Variants in PTPRM observed in about 807,000 individuals in gnomAD.
PTPRM encodes the protein protein tyrosine phosphatase receptor type M.
In PTPRM, 47 loss-of-function variants were observed where a neutral mutation model predicts 186.7. The ratio of observed to expected loss-of-function variants is 0.25; its 90% CI spans 0.20 to 0.32. PTPRM has a LOEUF of 0.32. PTPRM is among the 10% of genes least tolerant of loss of function. The probability of loss-of-function intolerance (pLI) is 1.00; values close to 1 mark genes in which losing one functional copy is unlikely to be tolerated. For missense variants in PTPRM, 1,494 were observed against 1,865.0 expected (o/e 0.80, Z 3.66); for synonymous variants, 668 against 674.9 (o/e 0.99, Z 0.16).
intron 3 of PTPRM, among the ~76,000 whole-genome samples, chr18:7,901,088 T>G (rs2049651743): frequency 6.6e-6 from 1 of 152,200 alleles, no homozygotes; most frequent in African/African-American, 2.4e-5. Context: ...ATGCTGGCAT[T>G]TTCAAACATT....
chr18:8,086,220 C>T (rs563053095), intron 10 of PTPRM, among the ~76,000 whole-genome samples: 35 of 152,200 alleles, frequency 2.3e-4, no homozygotes, highest in Non-Finnish European at 8.8e-5. Flanking sequence ...CATGAACCAT[C>T]GGGAGCTCTG....
chr18:7,903,906 A>G (rs1425310017), intron 3 of PTPRM, among the ~76,000 whole-genome samples: 1 of 152,200 alleles, frequency 6.6e-6, no homozygotes, highest in Non-Finnish European at 1.5e-5. Flanking sequence ...TGTTTGAGCA[A>G]TGTGTAGAAG....
chr18:7,881,844 A>G (rs929326840), intron 2 of PTPRM, among the ~76,000 whole-genome samples: 3 of 152,042 alleles, frequency 2.0e-5, no homozygotes, highest in Non-Finnish European at 4.4e-5. Context: ...TCCATTCACC[A>G]TGACCATGTG....
intron 29 of PTPRM, among the ~76,000 whole-genome samples, chr18:8,383,916 CG>C (rs1228264846): frequency 6.6e-6 from 1 of 152,160 alleles, no homozygotes; most frequent in African/African-American, 2.4e-5. Flanking sequence ...TGCCTCTCCC[CG>C]GGGCCTGATG....
intron 13 of PTPRM, among the ~76,000 whole-genome samples, chr18:8,126,163 T>A (rs1157193112): frequency 6.6e-6 from 1 of 150,590 alleles, no homozygotes; most frequent in Non-Finnish European, 1.5e-5. Flanking sequence ...TTTCAAATTG[T>A]TTGCTGAATG....
At chr18:7,715,474 T>C (rs959634016) in intron 1 of PTPRM, among the ~76,000 whole-genome samples, 20 of 152,038 alleles carry the variant, frequency 1.3e-4, no homozygotes, top group Non-Finnish European at 2.4e-4. Context: ...TCTCACCACT[T>C]CTATTCAACA....
At chr18:8,222,031 GTC>G (rs1254179860) in intron 14 of PTPRM, among the ~76,000 whole-genome samples, 1 of 152,188 alleles carries the variant, frequency 6.6e-6, no homozygotes, top group Non-Finnish European at 1.5e-5. Flanking sequence ...CTGCACTGGA[GTC>G]TCTGAGCCTA....
chr18:7,804,147 A>C (rs1343575135), intron 2 of PTPRM, among the ~76,000 whole-genome samples: 1 of 152,188 alleles, frequency 6.6e-6, no homozygotes, highest in Non-Finnish European at 1.5e-5. Flanking sequence ...TCTCCTCTGC[A>C]TTGACTTCAT....
chr18:8,323,107 G>A (rs2095355665), intron 22 of PTPRM, among the ~76,000 whole-genome samples: 1 of 152,166 alleles, frequency 6.6e-6, no homozygotes, highest in African/African-American at 2.4e-5. Flanking sequence ...GGGATTACAG[G>A]CATGAGTCAT....
At chr18:8,021,315 G>GAC (rs1377924670) in intron 7 of PTPRM, among the ~76,000 whole-genome samples, 14 of 99,132 alleles carry the variant, frequency 1.4e-4, no homozygotes, top group South Asian at 3.7e-4. Flanking sequence ...AAGCATAAAA[G>GAC]AGACACACAC....
intron 7 of PTPRM, among the ~76,000 whole-genome samples, chr18:8,031,289 C>T (rs2085950848): frequency 6.6e-6 from 1 of 152,174 alleles, no homozygotes; most frequent in Non-Finnish European, 1.5e-5. Context: ...GCAATCAATA[C>T]TTTGCAGATA....
At chr18:8,285,021 G>A (rs1341202025) in intron 19 of PTPRM, among the ~76,000 whole-genome samples, 1 of 152,172 alleles carries the variant, frequency 6.6e-6, no homozygotes, top group Non-Finnish European at 1.5e-5. Flanking sequence ...GGAAGACTCA[G>A]CCCCTTCCCT....
At chr18:7,640,554 C>T (rs1353582110) in intron 1 of PTPRM, among the ~76,000 whole-genome samples, 1 of 151,952 alleles carries the variant, frequency 6.6e-6, no homozygotes, top group Admixed American at 6.6e-5. Context: ...AGTGCAGCAG[C>T]CAATTGGTGT....
intron 1 of PTPRM, among the ~76,000 whole-genome samples, chr18:7,615,223 A>G (rs892812607): frequency 1.4e-4 from 22 of 152,226 alleles, no homozygotes; most frequent in African/African-American, 5.1e-4. Context: ...TTAATGTAAC[A>G]ATAAACAAAA....
intron 1 of PTPRM, among the ~76,000 whole-genome samples, chr18:7,604,106 C>T (rs16952203): frequency 0.028 from 4,295 of 152,264 alleles, 66 homozygotes; most frequent in Middle Eastern, 0.078. Context: ...GAATTGAGCC[C>T]AATACATTTA....
intron 2 of PTPRM, among the ~76,000 whole-genome samples, chr18:7,822,078 C>T (rs1357529955): frequency 7.9e-5 from 12 of 152,164 alleles, no homozygotes; most frequent in African/African-American, 2.9e-4. Context: ...GTTCTACTTC[C>T]TTCCTTCGTC....
intron 2 of PTPRM, among the ~76,000 whole-genome samples, chr18:7,830,789 C>G (rs575718086): frequency 1.2e-4 from 18 of 152,174 alleles, no homozygotes; most frequent in Non-Finnish European, 2.5e-4. Context: ...AAGTCTGTGT[C>G]CTTCCTCCAA....
intron 22 of PTPRM, among the ~76,000 whole-genome samples, 157 bp downstream of exon 22, chr18:8,319,371 C>T (rs186935175): frequency 6.6e-6 from 1 of 152,296 alleles, no homozygotes. Context: ...ACATTCTGGT[C>T]ATGTAAATCA....
chr18:8,011,271 G>A lies in PTPRM; in HGVS notation c.1132+55857G>A, dbSNP rs1468288436. On this transcript the variant is annotated intron_variant, in intron 7 of 32. Transcript: ENST00000580170. ...AGACAAATGTTGGCAGTGGAAAACCGCAGCTGAAATATCAATGTCCCAAAT... is the reference window on the plus strand; with the variant it reads ...AGACAAATGTTGGCAGTGGAAAACCACAGCTGAAATATCAATGTCCCAAAT... Among the ~76,000 whole-genome samples the A allele has an allele frequency of 3.3e-5, 5 of 152,078 alleles. No homozygotes were observed. In the East Asian group the frequency reaches 5.8e-4, roughly 18 times the overall value.
Sources: gnomAD v4.1 joint callset for allele counts (sites outside exome capture counted in the v4.1 genomes callset) on GRCh38, gnomAD v4.1.1 for gene constraint, MANE v1.5 for transcripts, NCBI Gene and HGNC (gene_info 2026-07-23, HGNC 2026-07-21) for gene names.